The following CDC25C variants were observed in gnomAD, a reference collection of about 807,000 sequenced individuals.
The protein encoded by CDC25C is M-phase inducer phosphatase 3.
In CDC25C, 48 loss-of-function variants were observed where a neutral mutation model predicts 52.5. The ratio of observed to expected loss-of-function variants is 0.91; its 90% CI spans 0.72 to 1.16. The LOEUF is 1.16. Ranked by LOEUF, CDC25C falls within the 50% of genes most tolerant of loss-of-function variation. The pLI, the probability that CDC25C is intolerant of heterozygous loss-of-function variation, is 0.00. For synonymous variants in CDC25C, 187 were observed against 206.5 expected (o/e 0.91, Z 0.81); for missense variants, 510 against 566.1 (o/e 0.90, Z 1.01).
At chr5:138,289,247 TCAGGCGTGA>T (rs1756511774) in intron 10 of CDC25C, among the ~76,000 whole-genome samples, 1 of 152,166 alleles carries the variant, frequency 6.6e-6, no homozygotes, top group Non-Finnish European at 1.5e-5. Context: ...TGCTAGGATT[TCAGGCGTGA>T]GCCACCATGC....
intron 3 of CDC25C, chr5:138,328,785 T>C (rs1760097696): frequency 3.2e-6 from 1 of 315,382 alleles, no homozygotes; most frequent in Non-Finnish European, 5.8e-6. Context: ...TTTTTTTTTT[T>C]CTTATGGGTA....
chr5:138,316,120 C>CCGGGTG (rs559124506), intron 7 of CDC25C, among the ~76,000 whole-genome samples: 1 of 152,216 alleles, frequency 6.6e-6, no homozygotes, highest in Non-Finnish European at 1.5e-5. Flanking sequence ...CCCTGCCTTC[C>CCGGGTG]CGGGTGCAGC....
At chr5:138,293,938 C>T (rs779389789) in intron 7 of CDC25C, among the ~76,000 whole-genome samples, 39 of 152,004 alleles carry the variant, frequency 2.6e-4, no homozygotes, top group Non-Finnish European at 5.1e-4. Flanking sequence ...TGAGCCACCA[C>T]GCCCAGTCTG....
Position 138,292,124 on chromosome 5 carries a change from G to A in CDC25C, c.616-8C>T. On this transcript the variant is annotated splice_region_variant and splice_polypyrimidine_tract_variant and intron_variant, in intron 7 of 13. Coordinates refer to ENST00000323760, the MANE Select transcript of CDC25C (RefSeq NM_001790.5). ...TAGGCCACTTCTGCTCACCTGTTTG[G>A]GAATATTAAACCCCCTAGTTCTTAC... 1 of 1,608,258 alleles carries A rather than the reference G, an allele frequency of 6.2e-7. No homozygotes were observed. Among genetic ancestry groups the A allele is most frequent in the Non-Finnish European group, 8.5e-7 (1 of 1,177,096 alleles).
chr5:138,313,889 A>T (rs893860172), intron 7 of CDC25C, among the ~76,000 whole-genome samples: 1 of 152,096 alleles, frequency 6.6e-6, no homozygotes. Flanking sequence ...CAAATTCATT[A>T]TACTGTTGTC....
chr5:138,299,384 T>G (rs1389481073), intron 7 of CDC25C, among the ~76,000 whole-genome samples: 8 of 146,552 alleles, frequency 5.5e-5, no homozygotes, highest in African/African-American at 2.0e-4. Context: ...TAATCTCAAC[T>G]ACTTGGGAGG....
At chr5:138,338,289 G>C (rs373368787) in exon 1 of CDC25C, 3 of 751,940 alleles carry the variant, frequency 4.0e-6, no homozygotes, top group East Asian at 6.5e-5. Context: ...CCGCGGCCCT[G>C]GGAGCTGGAG....
intron 4 of CDC25C, among the ~76,000 whole-genome samples, chr5:138,327,193 T>A (rs1053664689): frequency 6.6e-6 from 1 of 150,872 alleles, no homozygotes; most frequent in Admixed American, 6.6e-5. Flanking sequence ...AGGCGGAGGT[T>A]GTAGTGAGCC....
rs1047898115 is a variant in CDC25C at position 138,285,492 on chromosome 5, C to T, written c.*200G>A. ...GCAACTCAAGGCTGCCTTATAGAGC[C>T]AGCTCCAGGACTCTGCCACCAGCTT... is the stretch of plus-strand genomic sequence containing the variant. On this transcript the variant is annotated 3_prime_UTR_variant, in exon 14 of 14. Transcript: ENST00000323760. The T allele has an allele frequency of 1.7e-6, 1 of 604,212 alleles. No individual in the cohort carries two copies. Among genetic ancestry groups the T allele is most frequent in the Non-Finnish European group, 2.9e-6 (1 of 340,192 alleles). The allele number at this position is 604,212 out of a possible 1,614,324, so 37.4% of individuals were successfully genotyped here. A position where few individuals can be genotyped will look rare whatever the true frequency, so the allele number is the denominator to read the frequency against.
chr5:138,316,044 C>T (rs879412943), intron 7 of CDC25C, among the ~76,000 whole-genome samples: 5 of 152,120 alleles, frequency 3.3e-5, no homozygotes, highest in South Asian at 2.1e-4. Context: ...GGCTTGCAGC[C>T]GCCCAAGTTG....
chr5:138,317,805 A>G (rs1166733653), intron 7 of CDC25C, among the ~76,000 whole-genome samples: 6 of 152,078 alleles, frequency 3.9e-5, no homozygotes, highest in Non-Finnish European at 8.8e-5. Context: ...TATATCTATC[A>G]GTGATATGGG....
At chr5:138,324,077 C>T (rs1175243843) in intron 6 of CDC25C, among the ~76,000 whole-genome samples, 1 of 151,662 alleles carries the variant, frequency 6.6e-6, no homozygotes, top group East Asian at 1.9e-4. Context: ...TCAAGACCAG[C>T]CTGGGCAAGA....
intron 7 of CDC25C, among the ~76,000 whole-genome samples, chr5:138,314,925 CT>C (rs35443317): frequency 0.4 from 36,161 of 90,766 alleles, 5,780 homozygotes; most frequent in South Asian, 0.58. Context: ...CCAGCCAGCA[CT>C]TTTTTTTTTT....
chr5:138,333,422 T>G (rs1292758265), upstream of CDC25C: 1 of 152,204 alleles, frequency 6.6e-6, no homozygotes, highest in African/African-American at 2.4e-5. Flanking sequence ...TAATACCCTT[T>G]TCATCTGCAG....
At chr5:138,297,487 T>C (rs984399581) in intron 7 of CDC25C, among the ~76,000 whole-genome samples, 74 of 152,330 alleles carry the variant, frequency 4.9e-4, no homozygotes, top group African/African-American at 1.8e-3. Context: ...AAACCTCTAA[T>C]AGATGCTGGA....
At chr5:138,317,525 C>A (rs1309856281) in intron 7 of CDC25C, among the ~76,000 whole-genome samples, 1 of 150,986 alleles carries the variant, frequency 6.6e-6, no homozygotes, top group Non-Finnish European at 1.5e-5. Context: ...ACAAAAAATA[C>A]AAAAAATTAG....
intron 7 of CDC25C, among the ~76,000 whole-genome samples, chr5:138,300,140 G>A (rs757487063): frequency 1.3e-5 from 2 of 152,032 alleles, no homozygotes; most frequent in African/African-American, 2.4e-5. Context: ...AGTTCAAGGC[G>A]ACATAGTGAG....
chr5:138,306,260 T>A lies in CDC25C; in HGVS notation c.615+12959A>T, dbSNP rs575852875. Among the ~76,000 whole-genome samples, 16 of 152,136 alleles carry A rather than the reference T, an allele frequency of 1.1e-4. No homozygotes were observed. In the South Asian group the frequency reaches 2.3e-3, roughly 22 times the overall value. ...AGAATATCTATTAACTTGAAAAAAA[T>A]TTTTGTTGTTTTGATGCATCCCTGA... On this transcript the variant is annotated intron_variant, in intron 7 of 13. Coordinates refer to ENST00000323760, the MANE Select transcript of CDC25C (RefSeq NM_001790.5).
chr5:138,291,733 T>C (rs1756734145), intron 8 of CDC25C, among the ~76,000 whole-genome samples: 1 of 151,340 alleles, frequency 6.6e-6, no homozygotes, highest in Non-Finnish European at 1.5e-5. Context: ...ACAACATTTC[T>C]AAAAGTACAA....
Sources: allele counts gnomAD v4.1 joint callset (sites outside exome capture counted in the v4.1 genomes callset), GRCh38; gene constraint gnomAD v4.1.1; transcripts MANE v1.5; gene names NCBI Gene and HGNC (gene_info 2026-07-23, HGNC 2026-07-21).